Variants in MARCHF11 observed in about 807,000 individuals in gnomAD.
The protein encoded by MARCHF11 is E3 ubiquitin-protein ligase MARCHF11.
MARCHF11 carries 29 observed loss-of-function variants against 37.3 expected under a neutral mutation model. That is an observed-to-expected ratio of 0.78 (90% CI 0.58 to 1.06). The LOEUF (loss-of-function observed/expected upper bound fraction) is 1.06, where lower values mean the gene tolerates loss of function less well. Among genes scored for constraint, MARCHF11 ranks in the 50% least tolerant of loss-of-function variants. The pLI, the probability that MARCHF11 is intolerant of heterozygous loss-of-function variation, is 0.00. For missense variants in MARCHF11, 482 were observed against 533.4 expected (o/e 0.90, Z 0.95); for synonymous variants, 233 against 228.0 (o/e 1.02, Z -0.20).
intron 2 of MARCHF11, among the ~76,000 whole-genome samples, chr5:16,176,640 A>G (rs546610571): frequency 5.6e-4 from 86 of 152,334 alleles, no homozygotes; most frequent in Non-Finnish European, 1.1e-3. Context: ...TTAATTGCAA[A>G]CTATATAAAG....
At chr5:16,147,968 C>A (rs1337921842) in intron 2 of MARCHF11, among the ~76,000 whole-genome samples, 1 of 152,112 alleles carries the variant, frequency 6.6e-6, no homozygotes, top group Non-Finnish European at 1.5e-5. Flanking sequence ...ATGGTTCATA[C>A]AATTGTATAT....
chr5:16,160,083 C>G (rs1248970684), intron 2 of MARCHF11, among the ~76,000 whole-genome samples: 1 of 151,516 alleles, frequency 6.6e-6, no homozygotes, highest in Non-Finnish European at 1.5e-5. Context: ...AAAACTTCCC[C>G]TATAACTGGC....
At chr5:16,096,545 T>G (rs1736872338) in intron 2 of MARCHF11, among the ~76,000 whole-genome samples, 1 of 152,218 alleles carries the variant, frequency 6.6e-6, no homozygotes, top group African/African-American at 2.4e-5. Context: ...TGGAGTATTC[T>G]CCATGAGAAA....
chr5:16,146,483 G>C (rs1431846041), intron 2 of MARCHF11, among the ~76,000 whole-genome samples: 1 of 152,086 alleles, frequency 6.6e-6, no homozygotes, highest in Non-Finnish European at 1.5e-5. Context: ...AGTTCTCTCT[G>C]ATTCATCACC....
At chr5:16,071,760 G>A (rs1736439940) in intron 3 of MARCHF11, among the ~76,000 whole-genome samples, 1 of 151,960 alleles carries the variant, frequency 6.6e-6, no homozygotes, top group Non-Finnish European at 1.5e-5. Flanking sequence ...CCAAACCACT[G>A]GTCAAAAAAT....
rs114843220 is a variant in MARCHF11, at chr5:16,113,711, C to T, written c.694-22630G>A. On this transcript the variant is annotated intron_variant, in intron 2 of 3. Transcript: ENST00000332432. ...TATGGGGCATGTATTTTGACACATGCATACAATGTGTAATGAAGAAATCAT... is the reference window on the plus strand; with the variant it reads ...TATGGGGCATGTATTTTGACACATGTATACAATGTGTAATGAAGAAATCAT... Among the ~76,000 whole-genome samples the T allele has an allele frequency of 4.5e-3, 681 of 152,262 alleles. 1 individual carries two copies. Among genetic ancestry groups the T allele is most frequent in the Non-Finnish European group, 6.9e-3 (472 of 68,018 alleles).
At chr5:16,178,892 A>G in intron 1 of MARCHF11, 147 bp downstream of exon 1, 2 of 978,710 alleles carry the variant, frequency 2.0e-6, no homozygotes, top group South Asian at 5.3e-5. Context: ...GGGAAGGCAT[A>G]TTGGAGCCAG....
intron 2 of MARCHF11, among the ~76,000 whole-genome samples, chr5:16,125,360 C>T (rs1737384639): frequency 6.6e-6 from 1 of 152,132 alleles, no homozygotes. Context: ...ACCGAGATAT[C>T]TCACAGTTCA....
In MARCHF11 at chr5:16,179,453, CG is replaced by C; in HGVS notation, c.122del (p.Pro41ArgfsTer29). 9.0e-7 allele frequency: 1 copy of C among 1,116,350 alleles called. No individual in the cohort carries two copies. 69.2% of individuals were successfully genotyped at this position (1,116,350 alleles called of 1,614,324 possible). A position where few individuals can be genotyped will look rare whatever the true frequency, so the allele number is the denominator to read the frequency against. On this transcript the variant is annotated frameshift_variant, in exon 1 of 4. Transcript: ENST00000332432. LOFTEE classifies it high-confidence loss of function. Reference sequence around the variant, plus strand: ...GCAGGTAGCGCGGGGCCGCGGGGACCGGGGCCGGCTCTCCCGGCGGCGGCGT... The same window carrying C: ...GCAGGTAGCGCGGGGCCGCGGGGACCGGGCCGGCTCTCCCGGCGGCGGCGT... The part of the protein sequence containing the change: ...PPTPPPGEPA[P>X]VPAAPRYLPP...
At position 16,120,216 on chromosome 5, in the gene MARCHF11, C is replaced by T. The variant is rs138198415; in HGVS notation, c.694-29135G>A. Reference sequence around the variant, plus strand: ...CATGTGCCAGCCATGGCTCTAAGTGCTGAGAACATTGCATAATAAAACAAT... The same window carrying T: ...CATGTGCCAGCCATGGCTCTAAGTGTTGAGAACATTGCATAATAAAACAAT... On this transcript the variant is annotated intron_variant, in intron 2 of 3. Transcript: ENST00000332432. Among the ~76,000 whole-genome samples the T allele has an allele frequency of 1.2e-3, 180 of 152,338 alleles. 1 individual carries two copies. Among genetic ancestry groups the T allele is most frequent in the African/African-American group, 4.2e-3 (175 of 41,588 alleles).
chr5:16,068,422 T>C (rs1176101079), intron 3 of MARCHF11, among the ~76,000 whole-genome samples: 1 of 152,192 alleles, frequency 6.6e-6, no homozygotes, highest in African/African-American at 2.4e-5. Flanking sequence ...TTACCCCGTT[T>C]GGCAAACAAG....
intron 1 of MARCHF11, 96 bp downstream of exon 1, chr5:16,178,943 A>C: frequency 7.6e-7 from 1 of 1,316,548 alleles, no homozygotes; most frequent in Non-Finnish European, 9.7e-7. Context: ...CTGGAGGCAA[A>C]CTGGGAGGTA....
chr5:16,120,083 A>G (rs1448607093), intron 2 of MARCHF11, among the ~76,000 whole-genome samples: 1 of 152,196 alleles, frequency 6.6e-6, no homozygotes, highest in Non-Finnish European at 1.5e-5. Context: ...TCTCCTAAAG[A>G]GTTTCTGAGA....
At chr5:16,115,437 C>T (rs1225321749) in intron 2 of MARCHF11, among the ~76,000 whole-genome samples, 1 of 152,108 alleles carries the variant, frequency 6.6e-6, no homozygotes, top group East Asian at 1.9e-4. Flanking sequence ...AAATTTGAAT[C>T]AAGAGTCCTG....
intron 2 of MARCHF11, among the ~76,000 whole-genome samples, chr5:16,162,507 G>T (rs1738098193): frequency 6.6e-6 from 1 of 151,948 alleles, no homozygotes; most frequent in Non-Finnish European, 1.5e-5. Flanking sequence ...TCATGGATTG[G>T]TAGCCTTCAC....
intron 3 of MARCHF11, among the ~76,000 whole-genome samples, chr5:16,076,373 A>C (rs191099927): frequency 2.0e-5 from 3 of 152,350 alleles, no homozygotes; most frequent in African/African-American, 7.2e-5. Context: ...TACAGTGCTC[A>C]AGAAAATAAA....
chr5:16,090,793 C>T, intron 3 of MARCHF11, 96 bp downstream of exon 3: 2 of 982,266 alleles, frequency 2.0e-6, no homozygotes, highest in Non-Finnish European at 2.8e-6. Flanking sequence ...ATAAGTCAAT[C>T]CACAACATTC....
intron 2 of MARCHF11, among the ~76,000 whole-genome samples, chr5:16,156,058 T>C (rs1477622117): frequency 6.6e-6 from 1 of 152,000 alleles, no homozygotes; most frequent in Non-Finnish European, 1.5e-5. Context: ...CATCTTCCAC[T>C]GCAGTTTGCT....
At chr5:16,078,010 TG>T (rs1736547711) in intron 3 of MARCHF11, among the ~76,000 whole-genome samples, 1 of 152,266 alleles carries the variant, frequency 6.6e-6, no homozygotes, top group Non-Finnish European at 1.5e-5. Flanking sequence ...CCCTATACCA[TG>T]TCTTAAGTGT....
Sources: allele counts gnomAD v4.1 joint callset (sites outside exome capture counted in the v4.1 genomes callset), GRCh38; gene constraint gnomAD v4.1.1; transcripts MANE v1.5; gene names NCBI Gene and HGNC (gene_info 2026-07-23, HGNC 2026-07-21).